The following COL28A1 variants were observed in gnomAD, a reference collection of about 807,000 sequenced individuals.
COL28A1 encodes collagen alpha-1(XXVIII) chain.
In COL28A1, 161 loss-of-function variants were observed where a neutral mutation model predicts 150.2. The observed-to-expected ratio is 1.07, with a 90% CI of 0.94 to 1.22. The LOEUF (loss-of-function observed/expected upper bound fraction) is 1.22. Among genes scored for constraint, COL28A1 ranks in the 50% most tolerant of loss-of-function variants. The probability of loss-of-function intolerance (pLI) is 0.00; values close to 1 mark genes in which losing one functional copy is unlikely to be tolerated. For synonymous variants in COL28A1, 552 were observed against 469.7 expected, an observed-to-expected ratio of 1.18 and a Z score of -2.26; for missense variants, 1,617 against 1,388.3, an observed-to-expected ratio of 1.16 and a Z score of -2.62.
chr7:7,379,784 T>G (rs190147212), intron 30 of COL28A1, among the ~76,000 whole-genome samples: 1 of 152,294 alleles, frequency 6.6e-6, no homozygotes, highest in Admixed American at 6.5e-5. Context: ...CCTGCTACTT[T>G]TGGGGAGAAA....
intron 27 of COL28A1, among the ~76,000 whole-genome samples, chr7:7,416,301 A>C (rs954866706): frequency 6.6e-5 from 10 of 152,198 alleles, no homozygotes; most frequent in Non-Finnish European, 1.5e-5. Context: ...CATAACCCTG[A>C]GGGCATAAGG....
intron 27 of COL28A1, among the ~76,000 whole-genome samples, chr7:7,404,795 A>AT (rs1783405047): frequency 6.6e-6 from 1 of 152,030 alleles, no homozygotes; most frequent in Admixed American, 6.6e-5. Context: ...ACAAAGTCTC[A>AT]TTTTTGTCTC....
At chr7:7,375,339 T>A in intron 31 of COL28A1, 122 bp downstream of exon 31, 1 of 897,914 alleles carries the variant, frequency 1.1e-6, no homozygotes, top group Non-Finnish European at 1.6e-6. Flanking sequence ...ACTTTTCAAA[T>A]GAGCTTCACA....
intron 14 of COL28A1, among the ~76,000 whole-genome samples, chr7:7,476,359 AT>A (rs1324168853): frequency 1.3e-5 from 2 of 152,210 alleles, no homozygotes; most frequent in Non-Finnish European, 2.9e-5. Flanking sequence ...CAAACTGCCT[AT>A]ATCAGGGGAC....
At chr7:7,400,239 C>T (rs1370871719) in intron 27 of COL28A1, among the ~76,000 whole-genome samples, 1 of 152,116 alleles carries the variant, frequency 6.6e-6, no homozygotes, top group African/African-American at 2.4e-5. Context: ...AGGATTGTGG[C>T]ATGGGTGATT....
chr7:7,408,084 T>G (rs1783588430), intron 27 of COL28A1, among the ~76,000 whole-genome samples: 1 of 152,148 alleles, frequency 6.6e-6, no homozygotes, highest in Non-Finnish European at 1.5e-5. Flanking sequence ...CCTCCATTTC[T>G]CTTCATTTTA....
downstream of COL28A1, among the ~76,000 whole-genome samples, chr7:7,355,337 C>T (rs1780322383): frequency 6.6e-6 from 1 of 152,004 alleles, no homozygotes; most frequent in African/African-American, 2.4e-5. Flanking sequence ...ATATACTGGC[C>T]AGACACAGTG....
intron 13 of COL28A1, among the ~76,000 whole-genome samples, chr7:7,481,393 G>A (rs1789373382): frequency 6.6e-6 from 1 of 152,196 alleles, no homozygotes; most frequent in South Asian, 2.1e-4. Context: ...ACTCAGCATG[G>A]ACGATGATCA....
intron 27 of COL28A1, among the ~76,000 whole-genome samples, chr7:7,389,680 T>G (rs1483928312): frequency 6.6e-6 from 1 of 152,192 alleles, no homozygotes; most frequent in Non-Finnish European, 1.5e-5. Context: ...CCTTGAGCAG[T>G]GGTTTGTAGT....
At chr7:7,418,109 T>C (rs938562619) in intron 26 of COL28A1, among the ~76,000 whole-genome samples, 182 bp from the exon 27 acceptor site, 2 of 152,252 alleles carry the variant, frequency 1.3e-5, no homozygotes, top group Non-Finnish European at 2.9e-5. Context: ...CACAGAATTC[T>C]ATGCAAACAA....
At chr7:7,350,168 G>A in the COL28A1 span, among the ~76,000 whole-genome samples, 2 of 152,100 alleles carry the variant, frequency 1.3e-5, no homozygotes, top group East Asian at 1.9e-4. Flanking sequence ...CAATTTGGAA[G>A]CCAGGTGCAA....
At chr7:7,497,461 A>G (rs1439128308) in intron 11 of COL28A1, among the ~76,000 whole-genome samples, 3 of 152,196 alleles carry the variant, frequency 2.0e-5, no homozygotes, top group Admixed American at 2.0e-4. Context: ...AGGTAAAGTA[A>G]CTTGCCCAAA....
rs1174746158 is a variant in COL28A1, at chr7:7,381,586, T to G, written c.2163A>C (p.Pro721=). ...CATGGCCCATTGTGCCCTTTGGGCC[T>G]GGGAAGCCTTGTGGTCCTTGTTCCC... is the stretch of plus-strand genomic sequence containing the variant. ...IKGEQGPQGF[P]GPKGTMGHGL... is the part of the protein sequence containing the mutation. Residue 721 remains proline (P), a synonymous_variant, in exon 28 of 35, where the codon CCA becomes CCC. Transcript: ENST00000399429. The G allele has an allele frequency of 1.9e-6, 3 of 1,613,884 alleles. 1 individual carries two copies. The highest frequency in any genetic ancestry group is 2.2e-5 in the South Asian group (2 of 91,088).
At chr7:7,365,001 T>A (rs564332069) in intron 33 of COL28A1, among the ~76,000 whole-genome samples, 1 of 152,262 alleles carries the variant, frequency 6.6e-6, no homozygotes, top group East Asian at 1.9e-4. Context: ...GACTTTAACG[T>A]CATCATTTTT....
In COL28A1 at chr7:7,375,485, T is replaced by C; in HGVS notation, c.2335A>G (p.Ile779Val). The change falls in exon 31 of 35, where the codon ATC (isoleucine) becomes GTC (valine). Residue 779 changes from isoleucine (I) to valine (V), a missense_variant. By Grantham distance (29) the Ile-to-Val change is conservative. Transcript: ENST00000399429. ...CCACATATTTCTGTAATAAGTTTGA[T>C]AATTTCTTCTTTCTAGGGGATAAAA... is the stretch of plus-strand genomic sequence containing the variant. The part of the protein sequence containing the change: ...GDLGLTKEEI[I>V]KLITEICGCG... 6.4e-7 allele frequency: 1 copy of C among 1,562,868 alleles called. No homozygotes were observed. The highest frequency in any genetic ancestry group is 8.8e-7 in the Non-Finnish European group (1 of 1,141,306).
At chr7:7,396,965 G>A (rs772606835) in intron 27 of COL28A1, among the ~76,000 whole-genome samples, 11 of 152,172 alleles carry the variant, frequency 7.2e-5, no homozygotes, top group Non-Finnish European at 1.2e-4. Flanking sequence ...GCCATGTACA[G>A]CAAGGGTTTT....
chr7:7,508,974 C>T (rs1369996390), intron 9 of COL28A1, among the ~76,000 whole-genome samples: 1 of 152,162 alleles, frequency 6.6e-6, no homozygotes, highest in Non-Finnish European at 1.5e-5. Context: ...GCTGAAATTA[C>T]AGGTGTGCAC....
intron 15 of COL28A1, 90 bp downstream of exon 15, chr7:7,474,511 G>A: frequency 1.6e-6 from 1 of 606,288 alleles, no homozygotes; most frequent in East Asian, 3.0e-5. Flanking sequence ...TGGCATGGTT[G>A]TCATGTATAC....
chr7:7,486,552 G>A (rs183646967), intron 13 of COL28A1, among the ~76,000 whole-genome samples: 31 of 152,154 alleles, frequency 2.0e-4, no homozygotes, highest in African/African-American at 6.0e-4. Flanking sequence ...TCACTATTAC[G>A]CATAATGTTA....
Sources: gnomAD v4.1 joint callset for allele counts (sites outside exome capture counted in the v4.1 genomes callset) on GRCh38, gnomAD v4.1.1 for gene constraint, MANE v1.5 for transcripts, NCBI Gene and HGNC (gene_info 2026-07-23, HGNC 2026-07-21) for gene names.